Variants in NOL10 observed in about 807,000 individuals in gnomAD.
NOL10 encodes the protein nucleolar protein 10.
In NOL10, 58 loss-of-function variants were observed where a neutral mutation model predicts 103.5. The observed-to-expected ratio is 0.56, with a 90% CI of 0.45 to 0.70. The LOEUF is 0.70. NOL10 is among the 30% of genes least tolerant of loss of function. The pLI is 0.00. For missense variants in NOL10, 763 were observed against 807.3 expected, an observed-to-expected ratio of 0.95 and a Z score of 0.67; for synonymous variants, 287 against 282.5, an observed-to-expected ratio of 1.02 and a Z score of -0.16.
At chr2:10,605,830 T>C (rs1339860804) in intron 14 of NOL10, among the ~76,000 whole-genome samples, 1 of 152,204 alleles carries the variant, frequency 6.6e-6, no homozygotes, top group Admixed American at 6.5e-5. Context: ...TTCAGCTCTT[T>C]TTTGGTAGTA....
At chr2:10,617,240 T>C (rs1225020537) in intron 13 of NOL10, among the ~76,000 whole-genome samples, 4 of 152,106 alleles carry the variant, frequency 2.6e-5, no homozygotes, top group African/African-American at 9.7e-5. Context: ...GAGGTTGGAA[T>C]TGCTTGGCAT....
rs11690727 is a variant in NOL10, at chr2:10,648,867, G to A, written c.974-4495C>T. On this transcript the variant is annotated intron_variant, in intron 12 of 20. Coordinates refer to ENST00000381685, the MANE Select transcript of NOL10 (RefSeq NM_024894.4). ...ATGGAGAAGAAAAGAAAAAGATGTG[G>A]GGGACTATACTGGATTGAAAGAAAC... Among the ~76,000 whole-genome samples, 736 of 152,118 alleles carry A rather than the reference G, an allele frequency of 4.8e-3. 3 individuals are homozygous for A. Among genetic ancestry groups the A allele is most frequent in the African/African-American group, 0.016 (676 of 41,464 alleles).
chr2:10,679,689 G>T (rs1295154797), intron 3 of NOL10, among the ~76,000 whole-genome samples: 1 of 151,748 alleles, frequency 6.6e-6, no homozygotes, highest in Non-Finnish European at 1.5e-5. Context: ...GCAGTGGCGC[G>T]ATCCTGGCTT....
chr2:10,642,853 C>T (rs570353469), intron 13 of NOL10, among the ~76,000 whole-genome samples: 2 of 152,214 alleles, frequency 1.3e-5, no homozygotes, highest in South Asian at 2.1e-4. Flanking sequence ...GTCTCTCCTA[C>T]GTGCTCCCAC....
intron 12 of NOL10, among the ~76,000 whole-genome samples, chr2:10,654,009 T>C (rs1338469415): frequency 6.6e-6 from 1 of 152,166 alleles, no homozygotes; most frequent in Non-Finnish European, 1.5e-5. Context: ...ACTGTTAAAT[T>C]TTGAAACCTA....
intron 17 of NOL10, among the ~76,000 whole-genome samples, chr2:10,593,129 G>GTTT (rs113342576): frequency 2.7e-5 from 4 of 148,696 alleles, no homozygotes; most frequent in Non-Finnish European, 3.0e-5. Context: ...AAACAAATTA[G>GTTT]TTTTTTTTTT....
chr2:10,607,101 C>T, intron 14 of NOL10, 84 bp downstream of exon 14: 1 of 879,458 alleles, frequency 1.1e-6, no homozygotes, highest in Non-Finnish European at 1.6e-6. Context: ...GTAAACATGG[C>T]TCAGCCAATT....
chr2:10,622,837 C>T (rs1677225850), intron 13 of NOL10, among the ~76,000 whole-genome samples: 1 of 152,132 alleles, frequency 6.6e-6, no homozygotes, highest in South Asian at 2.1e-4. Flanking sequence ...AGCAGTTTAA[C>T]TCATATATAT....
At chr2:10,632,414 T>C (rs917786488) in intron 13 of NOL10, among the ~76,000 whole-genome samples, 25 of 152,176 alleles carry the variant, frequency 1.6e-4, no homozygotes, top group African/African-American at 6.0e-4. Context: ...GCTCACTGTG[T>C]TTCAATAAAA....
intron 12 of NOL10, among the ~76,000 whole-genome samples, chr2:10,646,433 T>C (rs1679075452): frequency 6.6e-6 from 1 of 152,078 alleles, no homozygotes; most frequent in South Asian, 2.1e-4. Context: ...AGCTAGACTG[T>C]TTTCTAAAAA....
chr2:10,632,382 T>C (rs1209788183), intron 13 of NOL10, among the ~76,000 whole-genome samples: 3 of 152,230 alleles, frequency 2.0e-5, no homozygotes, highest in African/African-American at 4.8e-5. Context: ...GAAAGTTGCA[T>C]AGATAATACA....
chr2:10,572,096 T>A lies in NOL10; in HGVS notation c.2042A>T (p.His681Leu), dbSNP rs775063774. 4 of 1,613,862 alleles carry A rather than the reference T, an allele frequency of 2.5e-6. No individual in the cohort carries two copies. The highest frequency in any genetic ancestry group is 1.7e-5 in the Admixed American group (1 of 60,016). The change falls in exon 21 of 21, where the codon CAC becomes CTC. Residue 681 changes from histidine to leucine, a missense_variant. Transcript: ENST00000381685. ...TCAATGAAACGACCGTCCTCTTTTG[T>A]GTCTTGACTTCAGGTGTCCGGCCGA... ...RRSAGHLKSRHKRGRSFH is the reference protein window; with the variant it reads ...RRSAGHLKSRLKRGRSFH
intron 12 of NOL10, among the ~76,000 whole-genome samples, chr2:10,647,685 A>T (rs1679175394): frequency 6.6e-6 from 1 of 152,200 alleles, no homozygotes; most frequent in African/African-American, 2.4e-5. Flanking sequence ...CTCCTGCCCT[A>T]TTTAGAACCT....
intron 1 of NOL10, among the ~76,000 whole-genome samples, chr2:10,685,775 GA>G (rs1306439943): frequency 2.0e-5 from 3 of 150,838 alleles, no homozygotes; most frequent in Admixed American, 6.6e-5. Context: ...AAACAGGAGG[GA>G]AAAAAAAGCC....
intron 16 of NOL10, among the ~76,000 whole-genome samples, chr2:10,602,329 A>G (rs1572268926): frequency 1.3e-5 from 2 of 152,196 alleles, no homozygotes; most frequent in Admixed American, 1.3e-4. Flanking sequence ...TACCAAGTTA[A>G]TCATTCTTTA....
intron 12 of NOL10, among the ~76,000 whole-genome samples, chr2:10,647,512 G>A (rs1326051654): frequency 6.6e-6 from 1 of 152,198 alleles, no homozygotes; most frequent in East Asian, 1.9e-4. Flanking sequence ...ACGTGCAGTG[G>A]ATTAGAAAAT....
intron 12 of NOL10, among the ~76,000 whole-genome samples, chr2:10,651,700 G>A (rs548816229): frequency 1.3e-4 from 19 of 151,904 alleles, no homozygotes; most frequent in Admixed American, 6.6e-5. Context: ...ATCCCTGCTC[G>A]TCACCCTTGC....
chr2:10,669,784 C>T (rs1161208605), intron 6 of NOL10, among the ~76,000 whole-genome samples: 7 of 151,766 alleles, frequency 4.6e-5, no homozygotes, highest in Middle Eastern at 3.4e-3. Flanking sequence ...CCCAGCTACT[C>T]GGGAGGATGG....
chr2:10,638,459 C>T (rs1678455855), intron 13 of NOL10, among the ~76,000 whole-genome samples: 1 of 146,920 alleles, frequency 6.8e-6, no homozygotes, highest in South Asian at 2.1e-4. Context: ...AAAAACAAAG[C>T]ACATACCCTT....
Sources: gnomAD v4.1 joint callset for allele counts (sites outside exome capture counted in the v4.1 genomes callset) on GRCh38, gnomAD v4.1.1 for gene constraint, MANE v1.5 for transcripts, NCBI Gene and HGNC (gene_info 2026-07-23, HGNC 2026-07-21) for gene names.